The following TAGLN2 variants were observed in gnomAD, a reference collection of about 807,000 sequenced individuals.
The protein encoded by TAGLN2 is transgelin 2.
In TAGLN2, 14 loss-of-function variants were observed where a neutral mutation model predicts 24.9. The ratio of observed to expected loss-of-function variants is 0.56; its 90% confidence interval spans 0.37 to 0.88. The LOEUF (loss-of-function observed/expected upper bound fraction) is 0.88. Ranked by LOEUF, TAGLN2 falls within the 40% of genes least tolerant of loss-of-function variation. The probability of loss-of-function intolerance (pLI) is 0.00; values close to 1 mark genes in which losing one functional copy is unlikely to be tolerated. For synonymous variants in TAGLN2, 77 were observed against 98.2 expected (o/e 0.78, Z 1.28); for missense variants, 208 against 258.9 (o/e 0.80, Z 1.35).
At chr1:159,921,001 A>G (rs957245349) in intron 1 of TAGLN2, among the ~76,000 whole-genome samples, 1 of 152,232 alleles carries the variant, frequency 6.6e-6, no homozygotes. Flanking sequence ...CACATGTTGT[A>G]GGAGTTAAAA....
intron 1 of TAGLN2, chr1:159,923,335 A>T: frequency 7.3e-7 from 1 of 1,373,200 alleles, no homozygotes; most frequent in Non-Finnish European, 9.9e-7. Context: ...TGCAGCTGTG[A>T]GAACAACCCT....
chr1:159,923,771 C>G, intron 1 of TAGLN2: 1 of 342,962 alleles, frequency 2.9e-6, no homozygotes, highest in Non-Finnish European at 5.3e-6. Flanking sequence ...AGCTCCAAAG[C>G]TTGCGTGGGA....
At position 159,919,763 on chromosome 1, in the gene TAGLN2, T is replaced by G; in HGVS notation, c.253A>C (p.Met85Leu). Residue 85 changes from methionine to leucine, a missense_variant, in exon 3 of 5, where the codon ATG (methionine) becomes CTG (leucine). Transcript: ENST00000368097. The stretch of plus-strand genomic sequence containing the variant: ...ATCTGCTCCATCTGCTTGAAGGCCA[T>G]GGTGGAGGCCTGGATCTTCTTTACT... The part of the protein sequence containing the change: ...APVKKIQAST[M>L]AFKQMEQISQ... The G allele has an allele frequency of 6.2e-7, 1 of 1,614,046 alleles. No individual in the cohort carries two copies. The highest frequency in any genetic ancestry group is 8.5e-7 in the Non-Finnish European group (1 of 1,179,970).
intron 1 of TAGLN2, among the ~76,000 whole-genome samples, chr1:159,922,160 C>T (rs1055726653): frequency 3.3e-5 from 5 of 152,284 alleles, no homozygotes; most frequent in African/African-American, 7.2e-5. Context: ...TGGGGCTCTG[C>T]GAAATACAAG....
intron 2 of TAGLN2, 46 bp downstream of exon 2, chr1:159,920,284 G>A: frequency 6.2e-7 from 1 of 1,614,008 alleles, no homozygotes; most frequent in Non-Finnish European, 8.5e-7. Flanking sequence ...ACTGGACCCA[G>A]TCCTGCTCTC....
At chr1:159,921,766 C>T (rs1332098940) in intron 1 of TAGLN2, among the ~76,000 whole-genome samples, 1 of 152,226 alleles carries the variant, frequency 6.6e-6, no homozygotes, top group Non-Finnish European at 1.5e-5. Context: ...GACCAATGGC[C>T]TGAGTTGGCG....
At chr1:159,920,042 C>A in intron 2 of TAGLN2, 1 of 760,932 alleles carries the variant, frequency 1.3e-6, no homozygotes, top group Non-Finnish European at 2.3e-6. Flanking sequence ...AGTGTTTAGT[C>A]TTTCCTTGCT....
rs1421334624 is a variant in TAGLN2, at chr1:159,920,521, G to A, written c.-12C>T. On this transcript the variant is annotated 5_prime_UTR_variant, in exon 2 of 5. Coordinates refer to ENST00000368097, the MANE Select transcript of TAGLN2 (RefSeq NM_003564.3). ...CCCCTGTTGGCCATTCCAATGGGTG[G>A]CGGTGGCTGCGGGGAGCTAGGGAGA... The A allele has an allele frequency of 6.2e-7, 1 of 1,613,792 alleles. No individual in the cohort carries two copies.
intron 1 of TAGLN2, chr1:159,924,530 A>T (rs1278058860): frequency 6.6e-6 from 1 of 152,334 alleles, no homozygotes; most frequent in African/African-American, 2.4e-5. Context: ...TAGCCCCAGG[A>T]GGCACAGGGC....
intron 1 of TAGLN2, among the ~76,000 whole-genome samples, chr1:159,922,205 G>C (rs1015399236): frequency 2.6e-5 from 4 of 152,250 alleles, no homozygotes; most frequent in South Asian, 2.1e-4. Flanking sequence ...AACACCTCTC[G>C]GCCGCAGAGG....
rs1650408217 is a variant in TAGLN2, at chr1:159,918,293, C to G, written c.*507G>C. The G allele has an allele frequency of 6.5e-6, 1 of 152,954 alleles. No individual in the cohort carries two copies. The highest frequency in any genetic ancestry group is 1.5e-5 in the Non-Finnish European group (1 of 68,576). 9.5% of individuals were successfully genotyped at this position (152,954 alleles called of 1,614,324 possible). A position where few individuals can be genotyped will look rare whatever the true frequency, so the allele number is the denominator to read the frequency against. On this transcript the variant is annotated 3_prime_UTR_variant, in exon 5 of 5. Transcript: ENST00000368097. The stretch of plus-strand genomic sequence containing the variant: ...GGCTGCCCCAGATGTGTGGTGAGCA[C>G]AGTCAGTGCAGCTGTGGCTGGGGCA...
At chr1:159,921,850 G>C (rs1274739504) in intron 1 of TAGLN2, among the ~76,000 whole-genome samples, 1 of 152,224 alleles carries the variant, frequency 6.6e-6, no homozygotes, top group African/African-American at 2.4e-5. Flanking sequence ...GCAAGACCCG[G>C]GCATGGTATG....
In TAGLN2 at chr1:159,922,604, A is replaced by G. The variant is rs375081914; in HGVS notation, c.-28-2067T>C. 5.3e-5 allele frequency among the ~76,000 whole-genome samples: 8 copies of G among 152,236 alleles called. No homozygotes were observed. In the East Asian group the frequency reaches 1.2e-3, roughly 22 times the overall value. ...GAGGAAGGGGCTAAGAGCTACTACC[A>G]CCAGTAAGCCCCCTTTCCGCAGCCC... On this transcript the variant is annotated intron_variant, in intron 1 of 4. Transcript: ENST00000368097.
rs77406502 is a variant in TAGLN2, at chr1:159,920,331, G to A, written c.179C>T (p.Thr60Met). Residue 60 changes from threonine (T) to methionine (M), a missense_variant and splice_region_variant, in exon 2 of 5, where the codon ACG (threonine) becomes ATG (methionine). Thr to Met is a moderately conservative substitution (Grantham distance 81). Transcript: ENST00000368097. ...ENFQNWLKDG[T>M]VLCELINALY... ...AAGCCAGTGGGGCCCGGCTCTCACC[G>A]TGCCATCCTTGAGCCAGTTCTGGAA... The A allele has an allele frequency of 9.2e-5, 149 of 1,614,210 alleles. 2 individuals carry two copies. The East Asian group carries it at 2.6e-3, about 28-fold the overall frequency.
At chr1:159,925,111 G>C (rs1415674783) in intron 1 of TAGLN2, 2 of 152,242 alleles carry the variant, frequency 1.3e-5, no homozygotes, top group Non-Finnish European at 2.9e-5. Flanking sequence ...GGGGTCACTC[G>C]GGGCCAGCCA....
At chr1:159,921,485 A>AC (rs5778136) in intron 1 of TAGLN2, among the ~76,000 whole-genome samples, 129,449 of 152,138 alleles carry the variant, frequency 0.85, 55,932 homozygotes, top group Non-Finnish European at 0.93. Flanking sequence ...TCACCCAAAA[A>AC]CCCCAGAAGG....
Position 159,920,340 on chromosome 1 carries a change from T to C in TAGLN2, c.170A>G (p.Lys57Arg). The change falls in exon 2 of 5, where the codon AAG (lysine) becomes AGG (arginine). Residue 57 changes from lysine (K) to arginine (R), a missense_variant. Transcript: ENST00000368097. Reference protein sequence around the residue: ...PGRENFQNWLKDGTVLCELIN... With the variant: ...PGRENFQNWLRDGTVLCELIN... Reference sequence around the variant, plus strand: ...GGGCCCGGCTCTCACCGTGCCATCCTTGAGCCAGTTCTGGAAGTTCTCGCG... The same window carrying C: ...GGGCCCGGCTCTCACCGTGCCATCCCTGAGCCAGTTCTGGAAGTTCTCGCG... The C allele has an allele frequency of 6.2e-7, 1 of 1,614,254 alleles. No individual in the cohort carries two copies. The highest frequency in any genetic ancestry group is 8.5e-7 in the Non-Finnish European group (1 of 1,180,048).
rs1571200697 is a variant in TAGLN2, at chr1:159,918,684, C to T, written c.*116G>A. The stretch of plus-strand genomic sequence containing the variant: ...TGACAGGACAGGCTGAACCCCCCAC[C>T]CTGACAGAAAGGAGCTTGAGAGCTC... On this transcript the variant is annotated 3_prime_UTR_variant, in exon 5 of 5. Coordinates refer to ENST00000368097, the MANE Select transcript of TAGLN2 (RefSeq NM_003564.3). 2 of 1,452,766 alleles carry T rather than the reference C, an allele frequency of 1.4e-6. No homozygotes were observed. Among genetic ancestry groups the T allele is most frequent in the Non-Finnish European group, 1.9e-6 (2 of 1,076,192 alleles). The allele number at this position is 1,452,766 out of a possible 1,614,324, so 90.0% of individuals were successfully genotyped here.
At position 159,919,009 on chromosome 1, in the gene TAGLN2, G is replaced by C. The variant is rs1004166313; in HGVS notation, c.459-68C>G. The C allele has an allele frequency of 7.0e-5, 112 of 1,593,850 alleles. 1 individual carries two copies. The Admixed American group carries it at 1.9e-3, about 26-fold the overall frequency. ...CCCTAGTAAATCCCTTCCTTGGACAGAGCACAGGCTTTGCTGTTGGCTCAA... is the reference window on the plus strand; with the variant it reads ...CCCTAGTAAATCCCTTCCTTGGACACAGCACAGGCTTTGCTGTTGGCTCAA... On this transcript the variant is annotated intron_variant, in intron 4 of 4. Transcript: ENST00000368097.
Sources: allele counts gnomAD v4.1 joint callset (sites outside exome capture counted in the v4.1 genomes callset), GRCh38; gene constraint gnomAD v4.1.1; transcripts MANE v1.5; gene names NCBI Gene and HGNC (gene_info 2026-07-23, HGNC 2026-07-21).